SYNM: variants seen among roughly 807,000 people sequenced by gnomAD.
SYNM encodes the protein synemin.
SYNM carries 95 observed loss-of-function variants against 104.0 expected under a neutral mutation model. The observed-to-expected ratio is 0.91, with a 90% confidence interval of 0.77 to 1.08. The LOEUF (loss-of-function observed/expected upper bound fraction) is 1.08. Among genes scored for constraint, SYNM ranks in the 50% least tolerant of loss-of-function variants. SYNM has a pLI of 0.00. For synonymous variants in SYNM, 918 were observed against 869.0 expected, an observed-to-expected ratio of 1.06 and a Z score of -0.99; for missense variants, 2,150 against 2,052.2, an observed-to-expected ratio of 1.05 and a Z score of -0.92.
rs782172772 is a variant in SYNM at position 99,113,814 on chromosome 15, T to G, written c.935+99T>G. The G allele has an allele frequency of 2.5e-5, 38 of 1,492,988 alleles. No homozygotes were observed. The South Asian group carries it at 4.0e-4, about 16-fold the overall frequency. The allele number at this position is 1,492,988 out of a possible 1,614,324, so 92.5% of individuals were successfully genotyped here. A position where few individuals can be genotyped will look rare whatever the true frequency, so the allele number is the denominator to read the frequency against. ...GGGACCGTAGCCTTTGTGGAGTCAC[T>G]GTGGCTTTGTGACAAGCAGAGAGCA... On this transcript the variant is annotated intron_variant, in intron 2 of 3. Coordinates refer to ENST00000336292, the MANE Select transcript of SYNM (RefSeq NM_145728.3).
chr15:99,106,740 C>T (rs1163031765), intron 1 of SYNM, among the ~76,000 whole-genome samples: 1 of 151,994 alleles, frequency 6.6e-6, no homozygotes, highest in Admixed American at 6.6e-5. Context: ...CTGACACCGG[C>T]GGGGTGACAC....
rs557485637 is a variant in SYNM at position 99,134,011 on chromosome 15, A to G, written c.*953A>G. The G allele has an allele frequency of 2.6e-5, 4 of 152,286 alleles. No homozygotes were observed. Among genetic ancestry groups the G allele is most frequent in the Non-Finnish European group, 5.9e-5 (4 of 68,032 alleles). The allele number at this position is 152,286 out of a possible 1,614,324, so 9.4% of individuals were successfully genotyped here. A position where few individuals can be genotyped will look rare whatever the true frequency, so the allele number is the denominator to read the frequency against. On this transcript the variant is annotated 3_prime_UTR_variant, in exon 4 of 4. Transcript: ENST00000336292. ...ACCGGCAAGCTGGCTGTGTACAGGA[A>G]AATTGGAAGCACACAGTGGACTGTG...
chr15:99,124,179 G>C (rs1247848746), intron 2 of SYNM, among the ~76,000 whole-genome samples: 1 of 152,256 alleles, frequency 6.6e-6, no homozygotes, highest in Non-Finnish European at 1.5e-5. Context: ...AAAATAACCA[G>C]GTTTGATTGC....
Position 99,131,745 on chromosome 15 carries a change from C to G in SYNM, c.3385C>G (p.Leu1129Val). 1 of 1,613,932 alleles carries G rather than the reference C, an allele frequency of 6.2e-7. No homozygotes were observed. Among genetic ancestry groups the G allele is most frequent in the South Asian group, 1.1e-5 (1 of 91,082 alleles). ...DVSQAARHIK[L>V]GPSEVWRTER... ...GAGCCAGGCTGCAAGGCACATAAAA[C>G]TCGGCCCCTCTGAAGTCTGGAGGAC... The change falls in exon 4 of 4, where the codon CTC (leucine) becomes GTC (valine). Residue 1129 changes from leucine to valine, a missense_variant. Leu to Val is a conservative substitution (Grantham distance 32). Coordinates refer to ENST00000336292, the MANE Select transcript of SYNM (RefSeq NM_145728.3). The surrounding 1 kb of genome is among the most constrained non-coding windows in gnomAD (Gnocchi z 4.3).
intron 2 of SYNM, among the ~76,000 whole-genome samples, chr15:99,118,394 C>A (rs782180618): frequency 3.3e-5 from 5 of 152,224 alleles, no homozygotes; most frequent in Non-Finnish European, 5.9e-5. Flanking sequence ...TCTCTGCAAA[C>A]CTTGACCCAC....
chr15:99,115,425 T>TA (rs2067338624), intron 2 of SYNM, among the ~76,000 whole-genome samples: 1 of 150,172 alleles, frequency 6.7e-6, no homozygotes, highest in African/African-American at 2.4e-5. Flanking sequence ...TTTCATTTTT[T>TA]TTATTATTTT....
chr15:99,123,720 C>T (rs575845433), intron 2 of SYNM, among the ~76,000 whole-genome samples: 78 of 152,380 alleles, frequency 5.1e-4, no homozygotes, highest in South Asian at 2.5e-3. Context: ...CCGTGAATCA[C>T]CCACAGGCCC....
At chr15:99,123,290 TG>T (rs1362834098) in intron 2 of SYNM, among the ~76,000 whole-genome samples, 1 of 139,114 alleles carries the variant, frequency 7.2e-6, no homozygotes, top group Non-Finnish European at 1.5e-5. Flanking sequence ...TGTTTGTCTC[TG>T]TTGATTATCT....
rs1596112552 is a variant in SYNM, at chr15:99,105,562, GGAGGCGCTGGGCGCGCGCGCCGCCCTC to G, written c.373_399del (p.Gly125_Leu133del). ...TGGGTGCGCAGCAGCGCGAGCTGCA[GGAGGCGCTGGGCGCGCGCGCCGCCCTC>G]GAGGCGCTGCTGGGCCGGCTGCAGG... On this transcript the variant is annotated inframe_deletion, in exon 1 of 4. Transcript: ENST00000336292. The G allele has an allele frequency of 7.6e-6, 9 of 1,176,526 alleles. No homozygotes were observed. Among genetic ancestry groups the G allele is most frequent in the Middle Eastern group, 3.4e-4 (1 of 2,908 alleles). The allele number at this position is 1,176,526 out of a possible 1,614,324, so 72.9% of individuals were successfully genotyped here.
Position 99,129,199 on chromosome 15 carries a change from C to CA in SYNM, c.1007-162dup. The CA allele has an allele frequency of 9.7e-6, 10 of 1,031,526 alleles. No individual in the cohort carries two copies. In the South Asian group the frequency reaches 1.6e-4, roughly 17 times the overall value. 63.9% of individuals were successfully genotyped at this position (1,031,526 alleles called of 1,614,324 possible). A position where few individuals can be genotyped will look rare whatever the true frequency, so the allele number is the denominator to read the frequency against. On this transcript the variant is annotated intron_variant, in intron 3 of 3. Coordinates refer to ENST00000336292, the MANE Select transcript of SYNM (RefSeq NM_145728.3). ...ATTGTAACAGGATTTTGTAAACTGC[C>CA]AAAAAATAATTTGGGCACCAAATAT...
At chr15:99,107,934 TTTTTG>T (rs1441246910) in intron 1 of SYNM, among the ~76,000 whole-genome samples, 10 of 123,852 alleles carry the variant, frequency 8.1e-5, no homozygotes, top group African/African-American at 3.3e-4. Flanking sequence ...CTGGTTTTTT[TTTTTG>T]TTTTTTGTTT....
At chr15:99,107,113 A>G (rs2067253391) in intron 1 of SYNM, among the ~76,000 whole-genome samples, 1 of 152,246 alleles carries the variant, frequency 6.6e-6, no homozygotes, top group South Asian at 2.1e-4. Context: ...TAGATGGGAA[A>G]TCATAGAATG....
intron 2 of SYNM, among the ~76,000 whole-genome samples, chr15:99,120,752 CAG>C (rs1383680760): frequency 2.6e-5 from 4 of 152,080 alleles, no homozygotes; most frequent in African/African-American, 7.2e-5. Flanking sequence ...TTGTGAGAAT[CAG>C]GGGAGGCTTC....
intron 3 of SYNM, chr15:99,129,050 C>T (rs782482526): frequency 3.8e-5 from 9 of 238,150 alleles, no homozygotes; most frequent in African/African-American, 6.8e-5. Context: ...GCCACAAAAA[C>T]GAGCACCTCT....
At position 99,105,193 on chromosome 15, in the gene SYNM, C is replaced by G. The variant is rs1555482305; in HGVS notation, c.-7C>G. On this transcript the variant is annotated 5_prime_UTR_variant, in exon 1 of 4. Transcript: ENST00000336292. Reference sequence around the variant, plus strand: ...GCCAGCCGCGAGAACCCCGCACGCCCGGCAAGATGCTGTCCTGGCGGCTGC... The same window carrying G: ...GCCAGCCGCGAGAACCCCGCACGCCGGGCAAGATGCTGTCCTGGCGGCTGC... The G allele has an allele frequency of 6.4e-7, 1 of 1,571,350 alleles. No homozygotes were observed. The highest frequency in any genetic ancestry group is 1.4e-5 in the African/African-American group (1 of 73,886).
At chr15:99,126,592 T>C (rs2067449941) in intron 2 of SYNM, 130 bp from the exon 3 acceptor site, 2 of 931,342 alleles carry the variant, frequency 2.1e-6, no homozygotes, top group Non-Finnish European at 1.6e-6. Flanking sequence ...TGCCCAAGTC[T>C]CCTCTTCAGG....
chr15:99,116,298 C>T (rs1315380905), intron 2 of SYNM, among the ~76,000 whole-genome samples: 1 of 152,200 alleles, frequency 6.6e-6, no homozygotes, highest in Admixed American at 6.5e-5. Flanking sequence ...ATGATCTAAA[C>T]TTTAATATGG....
intron 2 of SYNM, among the ~76,000 whole-genome samples, chr15:99,123,950 C>T (rs1377288242): frequency 1.3e-5 from 2 of 152,272 alleles, no homozygotes; most frequent in Non-Finnish European, 2.9e-5. Context: ...TGGCGCCTGG[C>T]CAGAGGCCAC....
Position 99,105,601 on chromosome 15 carries a change from G to C in SYNM, c.402G>C (p.Leu134=), listed in dbSNP as rs1322950548. ...CGCGCGCCGCCCTCGAGGCGCTGCT[G>C]GGCCGGCTGCAGGCCGAGCGCCGAG... The part of the protein sequence containing the change: ...LGARAALEAL[L]GRLQAERRGL... The change falls in exon 1 of 4, where the codon CTG becomes CTC. Residue 134 remains leucine (L), a synonymous_variant. Coordinates refer to ENST00000336292, the MANE Select transcript of SYNM (RefSeq NM_145728.3). The C allele has an allele frequency of 6.6e-6, 8 of 1,220,024 alleles. No individual in the cohort carries two copies. The highest frequency in any genetic ancestry group is 1.6e-5 in the African/African-American group (1 of 61,914). 75.6% of individuals were successfully genotyped at this position (1,220,024 alleles called of 1,614,324 possible). A position where few individuals can be genotyped will look rare whatever the true frequency, so the allele number is the denominator to read the frequency against.
Sources: gnomAD v4.1 joint callset for allele counts (sites outside exome capture counted in the v4.1 genomes callset) on GRCh38, gnomAD v4.1.1 for gene constraint, Gnocchi (gnomAD v3.1) non-coding constraint, MANE v1.5 for transcripts, NCBI Gene and HGNC (gene_info 2026-07-23, HGNC 2026-07-21) for gene names.